Variants in EYS observed in about 807,000 individuals in gnomAD.
The protein encoded by EYS is EGF-like photoreceptor maintenance factor.
EYS carries 250 observed loss-of-function variants against 282.1 expected under a neutral mutation model. That is an observed-to-expected ratio of 0.89 (90% CI 0.80 to 0.98). The LOEUF is 0.98. Ranked by LOEUF, EYS falls within the 50% of genes least tolerant of loss-of-function variation. The pLI is 0.00. For synonymous variants in EYS, 1,355 were observed against 1,282.9 expected (o/e 1.06, Z -1.20); for missense variants, 4,016 against 3,709.0 (o/e 1.08, Z -2.15).
intron 34 of EYS, among the ~76,000 whole-genome samples, chr6:63,985,963 G>T (rs1436389952): frequency 1.3e-5 from 2 of 151,838 alleles, no homozygotes; most frequent in Non-Finnish European, 2.9e-5. Flanking sequence ...CACAGCAAAA[G>T]AAATTGTCAG....
intron 22 of EYS, among the ~76,000 whole-genome samples, chr6:64,759,276 T>C (rs1280474059): frequency 6.6e-6 from 1 of 152,222 alleles, no homozygotes; most frequent in Non-Finnish European, 1.5e-5. Context: ...CATCACTAAT[T>C]ATTGTAGTGT....
At chr6:65,313,459 C>G (rs1769216397) in intron 11 of EYS, among the ~76,000 whole-genome samples, 1 of 151,534 alleles carries the variant, frequency 6.6e-6, no homozygotes, top group Non-Finnish European at 1.5e-5. Flanking sequence ...ATACTGTGAT[C>G]ACAGCTGAGC....
At chr6:64,776,378 C>T (rs750587952) in intron 22 of EYS, among the ~76,000 whole-genome samples, 5 of 151,954 alleles carry the variant, frequency 3.3e-5, no homozygotes, top group African/African-American at 7.3e-5. Flanking sequence ...GCAGGGTTTA[C>T]GCCAATCTAT....
intron 26 of EYS, among the ~76,000 whole-genome samples, chr6:64,503,224 G>T (rs964319554): frequency 6.6e-6 from 1 of 152,052 alleles, no homozygotes; most frequent in African/African-American, 2.4e-5. Flanking sequence ...GAAACATTTG[G>T]CAGTTAAATT....
At chr6:65,164,412 T>G (rs1764923838) in intron 12 of EYS, among the ~76,000 whole-genome samples, 1 of 146,532 alleles carries the variant, frequency 6.8e-6, no homozygotes, top group Non-Finnish European at 1.5e-5. Context: ...TTTACTGCAT[T>G]TGTTATTTTT....
At chr6:64,846,376 GA>G (rs1327324651) in intron 19 of EYS, among the ~76,000 whole-genome samples, 4 of 152,086 alleles carry the variant, frequency 2.6e-5, no homozygotes, top group Non-Finnish European at 5.9e-5. Context: ...ATGGGAAACT[GA>G]GGCTCTATTA....
At chr6:65,453,600 C>T (rs903380083) in intron 5 of EYS, among the ~76,000 whole-genome samples, 1 of 151,958 alleles carries the variant, frequency 6.6e-6, no homozygotes, top group African/African-American at 2.4e-5. Flanking sequence ...AGTCACCCTA[C>T]TGTGAAATAG....
At chr6:65,626,583 T>A (rs1337690252) in intron 2 of EYS, among the ~76,000 whole-genome samples, 2 of 152,178 alleles carry the variant, frequency 1.3e-5, no homozygotes, top group Non-Finnish European at 2.9e-5. Context: ...CCTAATTTTT[T>A]AATTAAAGCT....
At chr6:64,320,948 A>T (rs1770196577) in intron 29 of EYS, among the ~76,000 whole-genome samples, 1 of 151,790 alleles carries the variant, frequency 6.6e-6, no homozygotes, top group South Asian at 2.1e-4. Flanking sequence ...AAAATTCCAC[A>T]TGGCTTATAA....
intron 41 of EYS, among the ~76,000 whole-genome samples, chr6:63,758,233 A>C (rs187877890): frequency 6.6e-6 from 1 of 152,158 alleles, no homozygotes; most frequent in East Asian, 1.9e-4. Flanking sequence ...TAAACATTTT[A>C]TTTGGTCATT....
At chr6:64,691,448 A>G (rs1770378978) in intron 22 of EYS, among the ~76,000 whole-genome samples, 1 of 152,262 alleles carries the variant, frequency 6.6e-6, no homozygotes, top group South Asian at 2.1e-4. Flanking sequence ...ATATGTACAT[A>G]TAGTCAATGA....
At chr6:65,331,105 T>C in intron 11 of EYS, 1 of 982,710 alleles carries the variant, frequency 1.0e-6, no homozygotes, top group Non-Finnish European at 1.2e-6. Flanking sequence ...CCCATTAGTC[T>C]TCCTTTTCAA....
chr6:65,547,884 T>C (rs1354983123), intron 2 of EYS, among the ~76,000 whole-genome samples: 9 of 152,156 alleles, frequency 5.9e-5, no homozygotes, highest in African/African-American at 2.2e-4. Context: ...TCTGAAACAC[T>C]CTTCCCAATA....
rs542462942 is a variant in EYS at position 64,667,612 on chromosome 6, T to A, written c.3444-41367A>T. Reference sequence around the variant, plus strand: ...TTCCCTTAGTTTATCATGTTAAATTTCTCTAAAGAGTAGTAGTTTTCTTTC... The same window carrying A: ...TTCCCTTAGTTTATCATGTTAAATTACTCTAAAGAGTAGTAGTTTTCTTTC... On this transcript the variant is annotated intron_variant, in intron 22 of 42. Transcript: ENST00000503581. 7.9e-5 allele frequency among the ~76,000 whole-genome samples: 12 copies of A among 152,212 alleles called. No individual in the cohort carries two copies. In the East Asian group the frequency reaches 2.3e-3, roughly 29 times the overall value.
chr6:64,757,699 T>C (rs1448557415), intron 22 of EYS, among the ~76,000 whole-genome samples: 1 of 152,072 alleles, frequency 6.6e-6, no homozygotes, highest in African/African-American at 2.4e-5. Flanking sequence ...CTTCTTTTAC[T>C]GCACAGCTAC....
intron 22 of EYS, among the ~76,000 whole-genome samples, chr6:64,690,217 A>G (rs1277232202): frequency 3.3e-5 from 5 of 152,104 alleles, no homozygotes; most frequent in Non-Finnish European, 5.9e-5. Context: ...GCCAACAAAC[A>G]CATGAAAAAA....
rs539477235 is a variant in EYS at position 64,626,116 on chromosome 6, A to G, written c.3568+5T>C. 7.1e-4 allele frequency: 1,071 copies of G among 1,514,302 alleles called. 1 individual carries two copies. The highest frequency in any genetic ancestry group is 9.3e-4 in the Non-Finnish European group (1,036 of 1,119,462). The allele number at this position is 1,514,302 out of a possible 1,614,324, so 93.8% of individuals were successfully genotyped here. The stretch of plus-strand genomic sequence containing the variant: ...CAGTATGCTTATTATTTTTAAAATA[A>G]TTACCTGGTTGGCATTTGCAAACAT... On this transcript the variant is annotated splice_donor_5th_base_variant and intron_variant, in intron 23 of 42. Coordinates refer to ENST00000503581, the MANE Select transcript of EYS (RefSeq NM_001142800.2).
intron 31 of EYS, among the ~76,000 whole-genome samples, chr6:64,124,165 C>T (rs1773684492): frequency 6.6e-6 from 1 of 152,186 alleles, no homozygotes; most frequent in Non-Finnish European, 1.5e-5. Context: ...CATTTGAAAG[C>T]TGTAGCCGGG....
chr6:65,278,544 T>G (rs1220412234), intron 12 of EYS, among the ~76,000 whole-genome samples: 6 of 151,832 alleles, frequency 4.0e-5, no homozygotes, highest in Non-Finnish European at 7.4e-5. Context: ...TACTTTTTAT[T>G]TCTGAGGATC....
Sources: allele counts gnomAD v4.1 joint callset (sites outside exome capture counted in the v4.1 genomes callset), GRCh38; gene constraint gnomAD v4.1.1; transcripts MANE v1.5; gene names NCBI Gene and HGNC (gene_info 2026-07-23, HGNC 2026-07-21).